The following HADHA variants were observed in gnomAD, a reference collection of about 807,000 sequenced individuals.
The protein encoded by HADHA is trifunctional enzyme subunit alpha, mitochondrial.
Under a neutral mutation model 91.3 loss-of-function variants are expected in HADHA, and 59 were observed. The observed-to-expected ratio is 0.65, with a 90% CI of 0.52 to 0.80. HADHA has a LOEUF of 0.80. Ranked by LOEUF, HADHA falls within the 30% of genes least tolerant of loss-of-function variation. The pLI, the probability that HADHA is intolerant of heterozygous loss-of-function variation, is 0.00. For synonymous variants in HADHA, 320 were observed against 338.9 expected (o/e 0.94, Z 0.61); for missense variants, 800 against 927.6 (o/e 0.86, Z 1.79).
In HADHA at chr2:26,214,209, T is replaced by C. The variant is rs1574614837; in HGVS notation, c.918+234A>G. ...TCCTGGTTTTCTGGTTTGTTACTGA[T>C]ACATTTAACTGCATCAATCAATGAG... On this transcript the variant is annotated intron_variant, in intron 9 of 19. Coordinates refer to ENST00000380649, the MANE Select transcript of HADHA (RefSeq NM_000182.5). The surrounding 1 kb of genome is among the most constrained non-coding windows in gnomAD (Gnocchi z 4.1). Among the ~76,000 whole-genome samples, 1 of 152,228 alleles carries C rather than the reference T, an allele frequency of 6.6e-6. No homozygotes were observed.
intron 18 of HADHA, 137 bp from the exon 19 acceptor site, chr2:26,191,765 G>A (rs1404042962): frequency 1.1e-6 from 1 of 871,938 alleles, no homozygotes; most frequent in Non-Finnish European, 1.9e-6. Context: ...CAGAGAAGAT[G>A]CTGCCTGGGT....
Position 26,232,026 on chromosome 2 carries a change from T to G in HADHA, c.573+134A>C. On this transcript the variant is annotated intron_variant, in intron 6 of 19. Coordinates refer to ENST00000380649, the MANE Select transcript of HADHA (RefSeq NM_000182.5). ...GAAAAAATAAGTACCAGGAATAAAG[T>G]CTGTCACTGATCCTGTACACTCATA... 13 of 719,494 alleles carry G rather than the reference T, an allele frequency of 1.8e-5. 1 individual carries two copies. The South Asian group carries it at 2.0e-4, about 11-fold the overall frequency. 44.6% of individuals were successfully genotyped at this position (719,494 alleles called of 1,614,324 possible). A position where few individuals can be genotyped will look rare whatever the true frequency, so the allele number is the denominator to read the frequency against.
At position 26,206,970 on chromosome 2, in the gene HADHA, G is replaced by A. The variant is rs1053898908; in HGVS notation, c.1086-2774C>T. Among the ~76,000 whole-genome samples the A allele has an allele frequency of 6.6e-5, 10 of 152,074 alleles. No individual in the cohort carries two copies. The East Asian group carries it at 1.9e-3, about 29-fold the overall frequency. On this transcript the variant is annotated intron_variant, in intron 11 of 19. Coordinates refer to ENST00000380649, the MANE Select transcript of HADHA (RefSeq NM_000182.5). ...CGTAGTGCTTTGGGAGGATGAGGCA[G>A]GAGGACTGCTTGAGGCCAGAATTTT...
chr2:26,241,476 AC>A (rs1481191592), intron 1 of HADHA, among the ~76,000 whole-genome samples: 2 of 135,420 alleles, frequency 1.5e-5, no homozygotes, highest in African/African-American at 5.3e-5. Context: ...AACAACAACA[AC>A]AAAAAAAAAA....
Position 26,192,675 on chromosome 2 carries a change from G to A in HADHA, c.1886-251C>T, listed in dbSNP as rs566315184. Among the ~76,000 whole-genome samples the A allele has an allele frequency of 1.0e-3, 154 of 152,090 alleles. 3 individuals carry two copies. Among genetic ancestry groups the A allele is most frequent in the Non-Finnish European group, 5.1e-4 (35 of 67,982 alleles). Reference sequence around the variant, plus strand: ...GCAGGAGGATCGCTTGAACCCGGGAGGTGGAGACGAGATTATGCCACTGCA... The same window carrying A: ...GCAGGAGGATCGCTTGAACCCGGGAAGTGGAGACGAGATTATGCCACTGCA... On this transcript the variant is annotated intron_variant, in intron 17 of 19. Transcript: ENST00000380649.
chr2:26,190,866 A>AGAT lies in HADHA; in HGVS notation c.*381_*383dup. The stretch of plus-strand genomic sequence containing the variant: ...GGAGGCGTTTAAACCAGAAGGGCAA[A>AGAT]GATGCTGACACAGAGTTTGGTTTTT... On this transcript the variant is annotated 3_prime_UTR_variant, in exon 20 of 20. Transcript: ENST00000380649. 1 of 316,556 alleles carries AGAT rather than the reference A, an allele frequency of 3.2e-6. No homozygotes were observed. Among genetic ancestry groups the AGAT allele is most frequent in the Non-Finnish European group, 6.0e-6 (1 of 166,592 alleles). 19.6% of individuals were successfully genotyped at this position (316,556 alleles called of 1,614,324 possible).
intron 3 of HADHA, among the ~76,000 whole-genome samples, chr2:26,238,077 A>G (rs1670803338): frequency 6.6e-6 from 1 of 152,218 alleles, no homozygotes; most frequent in South Asian, 2.1e-4. Flanking sequence ...GTGCAATCAT[A>G]GCTCACTGTA....
At chr2:26,207,248 CAA>C (rs1363217727) in intron 11 of HADHA, among the ~76,000 whole-genome samples, 2 of 148,898 alleles carry the variant, frequency 1.3e-5, no homozygotes, top group Non-Finnish European at 3.0e-5. Flanking sequence ...CCCATAAACA[CAA>C]AAGAGTATCT....
In HADHA at chr2:26,203,938, A is replaced by G; in HGVS notation, c.1220+124T>C. ...GGAGTATCTAGAACTCATTATGTTC[A>G]GGAAAAAGGAATCCGTGATGGCAAG... On this transcript the variant is annotated intron_variant, in intron 12 of 19. Coordinates refer to ENST00000380649, the MANE Select transcript of HADHA (RefSeq NM_000182.5). 7 of 955,048 alleles carry G rather than the reference A, an allele frequency of 7.3e-6. No individual in the cohort carries two copies. The South Asian group carries it at 9.2e-5, about 12-fold the overall frequency. 59.2% of individuals were successfully genotyped at this position (955,048 alleles called of 1,614,324 possible). A position where few individuals can be genotyped will look rare whatever the true frequency, so the allele number is the denominator to read the frequency against.
intron 1 of HADHA, among the ~76,000 whole-genome samples, chr2:26,242,294 A>T (rs1670915355): frequency 6.6e-6 from 1 of 152,252 alleles, no homozygotes; most frequent in South Asian, 2.1e-4. Flanking sequence ...TTGAGTCTAA[A>T]TAGTAATATA....
intron 14 of HADHA, among the ~76,000 whole-genome samples, chr2:26,196,470 T>A (rs545343470): frequency 6.6e-6 from 1 of 152,196 alleles, no homozygotes; most frequent in Non-Finnish European, 1.5e-5. Context: ...CAACTGTATA[T>A]ACATCCATAT....
intron 13 of HADHA, among the ~76,000 whole-genome samples, chr2:26,198,874 A>G (rs72809638): frequency 2.0e-5 from 3 of 151,138 alleles, no homozygotes; most frequent in Non-Finnish European, 4.4e-5. Flanking sequence ...TCATAGTGAG[A>G]CCCTATATCT....
chr2:26,232,924 G>A (rs990818560), intron 5 of HADHA, among the ~76,000 whole-genome samples: 8 of 142,772 alleles, frequency 5.6e-5, no homozygotes, highest in African/African-American at 1.5e-4. Context: ...CCTTTTTGAC[G>A]CCAGGGACAG....
chr2:26,208,753 A>C (rs2147765920), intron 11 of HADHA, among the ~76,000 whole-genome samples: 1 of 152,302 alleles, frequency 6.6e-6, no homozygotes, highest in East Asian at 1.9e-4. Flanking sequence ...ATCGAATGCA[A>C]GGTACTATCA....
At chr2:26,203,428 T>TGTGATG (rs895985657) in intron 12 of HADHA, among the ~76,000 whole-genome samples, 1 of 152,080 alleles carries the variant, frequency 6.6e-6, no homozygotes, top group Non-Finnish European at 1.5e-5. Context: ...GCAGCATGTG[T>TGTGATG]GTGATGGTGA....
Position 26,204,044 on chromosome 2 carries a change from G to A in HADHA, c.1220+18C>T, listed in dbSNP as rs1209073179. On this transcript the variant is annotated intron_variant, in intron 12 of 19. Coordinates refer to ENST00000380649, the MANE Select transcript of HADHA (RefSeq NM_000182.5). Reference sequence around the variant, plus strand: ...CAAAGGACATTCTAACTCTTGCAAAGAGAGAGAGCAGGCTTACCCTTTGAA... The same window carrying A: ...CAAAGGACATTCTAACTCTTGCAAAAAGAGAGAGCAGGCTTACCCTTTGAA... 2 of 1,612,178 alleles carry A rather than the reference G, an allele frequency of 1.2e-6. No homozygotes were observed. Among genetic ancestry groups the A allele is most frequent in the African/African-American group, 1.3e-5 (1 of 74,904 alleles).
chr2:26,209,295 A>G (rs1670039215), intron 11 of HADHA, among the ~76,000 whole-genome samples: 1 of 152,216 alleles, frequency 6.6e-6, no homozygotes, highest in Non-Finnish European at 1.5e-5. Flanking sequence ...CGTAATATGG[A>G]AAAAGGCTGG....
Position 26,190,914 on chromosome 2 carries a change from G to A in HADHA, c.*336C>T. The stretch of plus-strand genomic sequence containing the variant: ...TTTATTGTTATGTGTTTGGCTGGGT[G>A]CAGAACTGCCCTCACCACCCCTGGC... On this transcript the variant is annotated 3_prime_UTR_variant, in exon 20 of 20. Coordinates refer to ENST00000380649, the MANE Select transcript of HADHA (RefSeq NM_000182.5). 1 of 453,834 alleles carries A rather than the reference G, an allele frequency of 2.2e-6. No individual in the cohort carries two copies. The highest frequency in any genetic ancestry group is 4.1e-6 in the Non-Finnish European group (1 of 245,890). The allele number at this position is 453,834 out of a possible 1,614,324, so 28.1% of individuals were successfully genotyped here.
Position 26,210,584 on chromosome 2 carries a change from T to TTCAC in HADHA, c.976-696_976-695insGTGA. The stretch of plus-strand genomic sequence containing the variant: ...TGGTCTCGATCTCCTGACCTCGTGA[T>TTCAC]CTGCCCGCCTTGGCCTTCCAAAGTG... On this transcript the variant is annotated intron_variant, in intron 10 of 19. Transcript: ENST00000380649. The surrounding 1 kb of genome is among the most constrained non-coding windows in gnomAD (Gnocchi z 4.0). The TTCAC allele has an allele frequency of 6.5e-6, 1 of 152,916 alleles. No homozygotes were observed. Among genetic ancestry groups the TTCAC allele is most frequent in the East Asian group, 1.9e-4 (1 of 5,194 alleles). 9.5% of individuals were successfully genotyped at this position (152,916 alleles called of 1,614,324 possible).
Sources: allele counts gnomAD v4.1 joint callset (sites outside exome capture counted in the v4.1 genomes callset), GRCh38; gene constraint gnomAD v4.1.1; non-coding constraint Gnocchi (gnomAD v3.1); transcripts MANE v1.5; gene names NCBI Gene and HGNC (gene_info 2026-07-23, HGNC 2026-07-21).